Variants in SGK1 observed in about 807,000 individuals in gnomAD.
SGK1 encodes the protein serine/threonine-protein kinase Sgk1.
SGK1 carries 26 observed loss-of-function variants against 64.2 expected under a neutral mutation model. The observed-to-expected ratio is 0.40, with a 90% CI of 0.30 to 0.56. SGK1 has a LOEUF of 0.56. SGK1 is among the 20% of genes least tolerant of loss of function. SGK1 has a pLI of 0.38. For synonymous variants in SGK1, 265 were observed against 239.7 expected (o/e 1.11, Z -0.98); for missense variants, 519 against 645.6 (o/e 0.80, Z 2.12).
chr6:134,263,795 C>T (rs575137355), intron 1 of SGK1, among the ~76,000 whole-genome samples: 47 of 152,036 alleles, frequency 3.1e-4, no homozygotes, highest in Non-Finnish European at 5.4e-4. Flanking sequence ...TGGCTCACAC[C>T]TGTAATCCCA....
chr6:134,307,821 A>G (rs1777556055), intron 1 of SGK1, among the ~76,000 whole-genome samples: 1 of 151,942 alleles, frequency 6.6e-6, no homozygotes, highest in Middle Eastern at 3.2e-3. Context: ...CTTCATCAAT[A>G]CTCTCTCTAT....
At chr6:134,213,963 A>G (rs1775935302) in intron 2 of SGK1, among the ~76,000 whole-genome samples, 1 of 152,216 alleles carries the variant, frequency 6.6e-6, no homozygotes, top group African/African-American at 2.4e-5. Context: ...TGTACCTATC[A>G]ACCAACTTTA....
chr6:134,255,601 G>C (rs1349972252), intron 2 of SGK1, among the ~76,000 whole-genome samples: 2 of 108,630 alleles, frequency 1.8e-5, no homozygotes, highest in Non-Finnish European at 3.6e-5. Context: ...TTTTTTTTGA[G>C]ATGGAGCCTC....
At chr6:134,312,133 G>T (rs1021704898) in intron 1 of SGK1, among the ~76,000 whole-genome samples, 1 of 152,132 alleles carries the variant, frequency 6.6e-6, no homozygotes, top group East Asian at 1.9e-4. Flanking sequence ...TTGAATTCTG[G>T]CTATACCTCT....
intron 1 of SGK1, among the ~76,000 whole-genome samples, chr6:134,271,742 T>G (rs1776942779): frequency 6.8e-6 from 1 of 147,972 alleles, no homozygotes; most frequent in African/African-American, 2.4e-5. Flanking sequence ...TAGTTATCTT[T>G]TGTGCTCTTC....
At chr6:134,308,913 T>G (rs1242317456) in intron 1 of SGK1, among the ~76,000 whole-genome samples, 1 of 151,900 alleles carries the variant, frequency 6.6e-6, no homozygotes, top group African/African-American at 2.4e-5. Flanking sequence ...GAGCTTATCC[T>G]CCAGAGACAA....
At chr6:134,178,048 G>T in intron 3 of SGK1, 1 of 539,722 alleles carries the variant, frequency 1.9e-6, no homozygotes, top group Non-Finnish European at 3.3e-6. Flanking sequence ...TCACAAATCA[G>T]TCCGGAAAAA....
In SGK1 at chr6:134,262,013, G is replaced by C; in HGVS notation, c.205C>G (p.Leu69Val). The change falls in exon 2 of 14, where the codon CTG becomes GTG. Residue 69 changes from leucine to valine, a missense_variant. By Grantham distance (32) the Leu-to-Val change is conservative (BLOSUM62 1). Coordinates refer to ENST00000367858, the MANE Select transcript of SGK1 (RefSeq NM_001143676.3). The stretch of plus-strand genomic sequence containing the variant: ...CCTCTTTGGAAAGCATGTTCACCCA[G>C]GCATGTTTGACACAAGGAAGACTCG... ...DFESSLCQTC[L>V]GEHAFQRGVL... 1 of 1,613,902 alleles carries C rather than the reference G, an allele frequency of 6.2e-7. No individual in the cohort carries two copies. The highest frequency in any genetic ancestry group is 8.5e-7 in the Non-Finnish European group (1 of 1,179,818).
At position 134,170,376 on chromosome 6, in the gene SGK1, G is replaced by A; in HGVS notation, c.1473C>T (p.Asn491=). 1 of 1,614,140 alleles carries A rather than the reference G, an allele frequency of 6.2e-7. No homozygotes were observed. The highest frequency in any genetic ancestry group is 8.5e-7 in the Non-Finnish European group (1 of 1,179,974). The part of the protein sequence containing the change: ...DPEFTEEPVP[N]SIGKSPDSVL... ...CGCTGTCAGGGGACTTGCCAATGGA[G>A]TTGGGGACAGGCTCTTCGGTAAACT... The change falls in exon 14 of 14, where the codon AAC becomes AAT. Residue 491 remains asparagine (N), a synonymous_variant. Coordinates refer to ENST00000367858, the MANE Select transcript of SGK1 (RefSeq NM_001143676.3).
chr6:134,243,188 A>T (rs1582737786), intron 2 of SGK1, among the ~76,000 whole-genome samples: 1 of 152,266 alleles, frequency 6.6e-6, no homozygotes, highest in South Asian at 2.1e-4. Flanking sequence ...ATTAATAAGA[A>T]AATAAAAAAT....
intron 1 of SGK1, among the ~76,000 whole-genome samples, chr6:134,276,793 T>C (rs2114765478): frequency 6.6e-6 from 1 of 152,264 alleles, no homozygotes; most frequent in East Asian, 1.9e-4. Flanking sequence ...GGCTCACACC[T>C]ATAATCCCAG....
chr6:134,232,562 T>C (rs1457914504), intron 2 of SGK1, among the ~76,000 whole-genome samples: 1 of 151,776 alleles, frequency 6.6e-6, no homozygotes, highest in Non-Finnish European at 1.5e-5. Context: ...ATAAAAATTA[T>C]ATTTCAGGCT....
intron 2 of SGK1, among the ~76,000 whole-genome samples, chr6:134,232,495 G>GA (rs1776306012): frequency 6.4e-5 from 8 of 125,684 alleles, no homozygotes; most frequent in Admixed American, 1.6e-4. Context: ...GAAAGAAAAA[G>GA]AAAAGAAAGA....
At chr6:134,206,377 A>ATTTTT (rs1775782343) in intron 3 of SGK1, among the ~76,000 whole-genome samples, 1 of 4,154 alleles carries the variant, frequency 2.4e-4, no homozygotes, top group African/African-American at 6.5e-4. Context: ...ATATATATAT[A>ATTTTT]TATATATTTT....
chr6:134,311,040 T>C (rs1777601648), intron 1 of SGK1, among the ~76,000 whole-genome samples: 1 of 152,178 alleles, frequency 6.6e-6, no homozygotes, highest in South Asian at 2.1e-4. Context: ...TAAGCTGAGG[T>C]CAAGCTTCCC....
At chr6:134,173,725 G>A (rs1408111724) in intron 5 of SGK1, 159 bp from the exon 6 acceptor site, 1 of 620,586 alleles carries the variant, frequency 1.6e-6, no homozygotes, top group Non-Finnish European at 2.8e-6. Flanking sequence ...TTTCAAATGA[G>A]TATGGAAACT....
chr6:134,203,995 C>A (rs1319318663), intron 3 of SGK1, among the ~76,000 whole-genome samples: 1 of 150,666 alleles, frequency 6.6e-6, no homozygotes, highest in African/African-American at 2.4e-5. Context: ...ACCCAGGAGG[C>A]AGAGGTTGCA....
At chr6:134,218,252 C>T (rs566770068) in intron 2 of SGK1, among the ~76,000 whole-genome samples, 2 of 152,172 alleles carry the variant, frequency 1.3e-5, no homozygotes, top group African/African-American at 4.8e-5. Flanking sequence ...CAATTGAGAA[C>T]GGATACGGGT....
At chr6:134,203,510 A>G (rs1371889204) in intron 3 of SGK1, among the ~76,000 whole-genome samples, 1 of 152,220 alleles carries the variant, frequency 6.6e-6, no homozygotes, top group Non-Finnish European at 1.5e-5. Context: ...ACAAGTAAAA[A>G]AAACAGAGAT....
Sources: gnomAD v4.1 joint callset for allele counts (sites outside exome capture counted in the v4.1 genomes callset) on GRCh38, gnomAD v4.1.1 for gene constraint, MANE v1.5 for transcripts, NCBI Gene and HGNC (gene_info 2026-07-23, HGNC 2026-07-21) for gene names.